ELMO1: variants seen among roughly 807,000 people sequenced by gnomAD.
ELMO1 encodes engulfment and cell motility protein 1.
Under a neutral mutation model 98.9 loss-of-function variants are expected in ELMO1, and 26 were observed. The ratio of observed to expected loss-of-function variants is 0.26; its 90% CI spans 0.19 to 0.36. ELMO1 has a LOEUF of 0.36. Among genes scored for constraint, ELMO1 ranks in the 10% least tolerant of loss-of-function variants. The pLI, the probability that ELMO1 is intolerant of heterozygous loss-of-function variation, is 1.00. For missense variants in ELMO1, 627 were observed against 935.2 expected, an observed-to-expected ratio of 0.67 and a Z score of 4.30; for synonymous variants, 346 against 346.0, an observed-to-expected ratio of 1.00 and a Z score of 0.00.
At chr7:36,964,341 C>T (rs1381182122) in intron 16 of ELMO1, among the ~76,000 whole-genome samples, 1 of 152,138 alleles carries the variant, frequency 6.6e-6, no homozygotes, top group East Asian at 1.9e-4. Flanking sequence ...CATTAGCCTA[C>T]AGGTAAGCAA....
chr7:37,205,023 A>G (rs1324844410), intron 13 of ELMO1, among the ~76,000 whole-genome samples: 1 of 152,148 alleles, frequency 6.6e-6, no homozygotes, highest in Non-Finnish European at 1.5e-5. Flanking sequence ...TGCGTTTACA[A>G]TCCTTTAGCT....
At chr7:36,880,932 A>G (rs1301977518) in intron 18 of ELMO1, among the ~76,000 whole-genome samples, 3 of 152,230 alleles carry the variant, frequency 2.0e-5, no homozygotes. Flanking sequence ...CCTCCTTTCC[A>G]AAGCTGAAAT....
intron 14 of ELMO1, among the ~76,000 whole-genome samples, chr7:37,107,392 C>T (rs572732702): frequency 6.6e-6 from 1 of 152,296 alleles, no homozygotes; most frequent in Admixed American, 6.5e-5. Context: ...GTCAAACTCT[C>T]TCCTAAGGCA....
In ELMO1 at chr7:37,301,333, GAAA is replaced by G. The variant is rs3054217; in HGVS notation, c.192+13514_192+13516del. ...AAAAATGAGAAATGAGAATATATCA[GAAA>G]AAAAAAAAACTATTGGAAGAGGAAG... On this transcript the variant is annotated intron_variant, in intron 4 of 21. Coordinates refer to ENST00000310758, the MANE Select transcript of ELMO1 (RefSeq NM_014800.11). Among the ~76,000 whole-genome samples, 298 of 150,668 alleles carry G rather than the reference GAAA, an allele frequency of 2.0e-3. 2 individuals carry two copies. Among genetic ancestry groups the G allele is most frequent in the South Asian group, 0.019 (92 of 4,770 alleles).
intron 16 of ELMO1, among the ~76,000 whole-genome samples, chr7:36,998,414 A>AT (rs1045729393): frequency 5.3e-5 from 8 of 151,822 alleles, no homozygotes; most frequent in East Asian, 1.9e-4. Flanking sequence ...TTATCCTTTA[A>AT]TTTTTTTTCT....
intron 15 of ELMO1, among the ~76,000 whole-genome samples, chr7:37,045,453 C>A (rs139042870): frequency 6.6e-6 from 1 of 152,126 alleles, no homozygotes; most frequent in Admixed American, 6.5e-5. Flanking sequence ...ACTTATATGG[C>A]ATGTTATTAT....
intron 16 of ELMO1, among the ~76,000 whole-genome samples, chr7:37,007,842 C>G (rs1169632364): frequency 1.3e-5 from 2 of 152,118 alleles, no homozygotes; most frequent in African/African-American, 2.4e-5. Context: ...CCTGCTCTCC[C>G]GTTCTTCCTA....
chr7:37,376,539 G>A (rs1225332592), intron 1 of ELMO1, among the ~76,000 whole-genome samples: 1 of 152,132 alleles, frequency 6.6e-6, no homozygotes, highest in Non-Finnish European at 1.5e-5. Flanking sequence ...TACCACCTCA[G>A]GGACCTGACT....
At chr7:37,109,168 G>A (rs140708480) in intron 14 of ELMO1, among the ~76,000 whole-genome samples, 1 of 152,110 alleles carries the variant, frequency 6.6e-6, no homozygotes, top group Admixed American at 6.5e-5. Flanking sequence ...CATGTGCCTG[G>A]TGTGCCCCCA....
chr7:37,243,574 T>C (rs1794856683), intron 7 of ELMO1, among the ~76,000 whole-genome samples: 1 of 152,218 alleles, frequency 6.6e-6, no homozygotes, highest in Non-Finnish European at 1.5e-5. Context: ...CAACTCATAC[T>C]TTTCTGTGTG....
At chr7:37,287,496 G>C (rs1797454737) in intron 4 of ELMO1, among the ~76,000 whole-genome samples, 1 of 152,160 alleles carries the variant, frequency 6.6e-6, no homozygotes, top group South Asian at 2.1e-4. Flanking sequence ...TTAGGCATAA[G>C]ATGATAAATG....
chr7:36,978,736 C>T (rs976155484), intron 16 of ELMO1, among the ~76,000 whole-genome samples: 9 of 152,238 alleles, frequency 5.9e-5, no homozygotes, highest in Non-Finnish European at 8.8e-5. Context: ...TTGATGTTGA[C>T]TGGCTTCCAA....
intron 14 of ELMO1, among the ~76,000 whole-genome samples, chr7:37,118,503 C>T (rs1785754534): frequency 6.6e-6 from 1 of 152,222 alleles, no homozygotes; most frequent in African/African-American, 2.4e-5. Context: ...GAAATGCCTG[C>T]TTTCTGGGAG....
chr7:37,043,137 G>A (rs1795616788), intron 15 of ELMO1, among the ~76,000 whole-genome samples: 1 of 152,134 alleles, frequency 6.6e-6, no homozygotes, highest in South Asian at 2.1e-4. Context: ...AATGCCGGGA[G>A]CCTCCTCTCA....
intron 10 of ELMO1, 41 bp downstream of exon 10, chr7:37,222,574 T>C (rs1421687892): frequency 1.3e-6 from 2 of 1,594,642 alleles, no homozygotes; most frequent in African/African-American, 1.3e-5. Context: ...ACAAAGTTCC[T>C]AGCCTTGACA....
chr7:36,976,297 T>G lies in ELMO1; in HGVS notation c.1437+37002A>C, dbSNP rs147025642. The stretch of plus-strand genomic sequence containing the variant: ...CTACTCATACAGAATTTTATCATAA[T>G]GGAATTTTATGCTTAAAAGTCTTTT... On this transcript the variant is annotated intron_variant, in intron 16 of 21. Coordinates refer to ENST00000310758, the MANE Select transcript of ELMO1 (RefSeq NM_014800.11). Among the ~76,000 whole-genome samples, 591 of 152,300 alleles carry G rather than the reference T, an allele frequency of 3.9e-3. 5 individuals carry two copies. The highest frequency in any genetic ancestry group is 0.013 in the African/African-American group (560 of 41,528).
intron 16 of ELMO1, among the ~76,000 whole-genome samples, chr7:36,982,093 T>C (rs1284098082): frequency 6.6e-6 from 1 of 152,116 alleles, no homozygotes. Flanking sequence ...GTAAATTTTA[T>C]TTAATTTTAG....
At chr7:36,868,321 G>GTTC (rs1308725293) in intron 20 of ELMO1, among the ~76,000 whole-genome samples, 1 of 139,828 alleles carries the variant, frequency 7.2e-6, no homozygotes, top group African/African-American at 2.7e-5. Flanking sequence ...TTTCCGCTTT[G>GTTC]TTCTGCTTCT....
intron 1 of ELMO1, among the ~76,000 whole-genome samples, chr7:37,415,256 T>C (rs551731339): frequency 1.4e-4 from 22 of 152,318 alleles, no homozygotes; most frequent in African/African-American, 5.3e-4. Context: ...ACAAAATAGA[T>C]TGAGCAAAGC....
Sources: allele counts gnomAD v4.1 joint callset (sites outside exome capture counted in the v4.1 genomes callset), GRCh38; gene constraint gnomAD v4.1.1; transcripts MANE v1.5; gene names NCBI Gene and HGNC (gene_info 2026-07-23, HGNC 2026-07-21).